Variants in SCAPER observed in about 807,000 individuals in gnomAD.
The protein encoded by SCAPER is S-phase cyclin A associated protein in the ER.
In SCAPER, 98 loss-of-function variants were observed where a neutral mutation model predicts 182.2. The ratio of observed to expected loss-of-function variants is 0.54; its 90% CI spans 0.46 to 0.64. The LOEUF is 0.64. SCAPER is among the 30% of genes least tolerant of loss of function. The probability of loss-of-function intolerance (pLI) is 0.00; values close to 1 mark genes in which losing one functional copy is unlikely to be tolerated. For missense variants in SCAPER, 1,432 were observed against 1,690.0 expected (o/e 0.85, Z 2.68); for synonymous variants, 605 against 564.6 (o/e 1.07, Z -1.01).
chr15:76,566,908 A>C (rs932635211), intron 23 of SCAPER, among the ~76,000 whole-genome samples: 8 of 152,112 alleles, frequency 5.3e-5, no homozygotes, highest in African/African-American at 1.4e-4. Flanking sequence ...AATAATTTTA[A>C]TTTGAACACT....
chr15:76,875,344 A>C (rs149671960), intron 2 of SCAPER, among the ~76,000 whole-genome samples: 1 of 152,336 alleles, frequency 6.6e-6, no homozygotes, highest in East Asian at 1.9e-4. Flanking sequence ...GTATGTGTAT[A>C]AGCACACAAA....
At chr15:76,695,579 G>A (rs893714172) in intron 20 of SCAPER, among the ~76,000 whole-genome samples, 4 of 149,952 alleles carry the variant, frequency 2.7e-5, no homozygotes, top group Non-Finnish European at 3.0e-5. Context: ...CCTGGATGAC[G>A]GAGCAAGACT....
intron 21 of SCAPER, among the ~76,000 whole-genome samples, chr15:76,656,126 T>C (rs2055613533): frequency 6.6e-6 from 1 of 152,104 alleles, no homozygotes; most frequent in South Asian, 2.1e-4. Flanking sequence ...TGGATGAAGA[T>C]GCAAGACCCA....
intron 5 of SCAPER, among the ~76,000 whole-genome samples, chr15:76,828,220 T>C (rs1472438171): frequency 1.3e-5 from 2 of 150,406 alleles, no homozygotes; most frequent in East Asian, 1.9e-4. Context: ...GATTTGTATA[T>C]ATTTATATAA....
chr15:76,533,125 A>C (rs561484788), intron 23 of SCAPER, among the ~76,000 whole-genome samples: 2 of 152,338 alleles, frequency 1.3e-5, no homozygotes, highest in South Asian at 4.1e-4. Context: ...GACTTCCTAA[A>C]GGTAGAGATT....
intron 22 of SCAPER, among the ~76,000 whole-genome samples, chr15:76,613,148 C>A (rs904531038): frequency 2.0e-5 from 3 of 152,102 alleles, no homozygotes; most frequent in Non-Finnish European, 2.9e-5. Flanking sequence ...CTTCAACAAA[C>A]CTGACAAAAG....
rs140609360 is a variant in SCAPER at position 76,725,984 on chromosome 15, A to G, written c.2165+2611T>C. 8.9e-3 allele frequency among the ~76,000 whole-genome samples: 1,344 copies of G among 150,652 alleles called. 8 individuals carry two copies. The highest frequency in any genetic ancestry group is 0.015 in the Non-Finnish European group (1,043 of 67,622). ...AGTAAAGGCAACAAAAACAACAACA[A>G]CAAAAATAGAGAAATTGAACTATGT... is the stretch of plus-strand genomic sequence containing the variant. On this transcript the variant is annotated intron_variant, in intron 17 of 31. Coordinates refer to ENST00000563290, the MANE Select transcript of SCAPER (RefSeq NM_020843.4).
intron 10 of SCAPER, among the ~76,000 whole-genome samples, chr15:76,770,465 T>G (rs975226002): frequency 1.3e-5 from 2 of 152,134 alleles, no homozygotes. Flanking sequence ...TTATCACCCT[T>G]GGTTTGTCAA....
intron 27 of SCAPER, among the ~76,000 whole-genome samples, chr15:76,382,366 A>T (rs557419279): frequency 6.9e-6 from 1 of 145,338 alleles, no homozygotes. Flanking sequence ...TTTTTCTTTT[A>T]TTTTTTTTTT....
intron 15 of SCAPER, among the ~76,000 whole-genome samples, chr15:76,740,128 T>C (rs1294827781): frequency 2.0e-5 from 3 of 152,254 alleles, no homozygotes; most frequent in African/African-American, 4.8e-5. Context: ...ATCATGCCAC[T>C]GCACTTCAGC....
chr15:76,654,092 T>C (rs1290101891), intron 21 of SCAPER, among the ~76,000 whole-genome samples: 1 of 151,720 alleles, frequency 6.6e-6, no homozygotes, highest in African/African-American at 2.4e-5. Flanking sequence ...CCAAGAAACA[T>C]GAAAAAATGC....
intron 27 of SCAPER, among the ~76,000 whole-genome samples, chr15:76,391,148 AC>A (rs2043665184): frequency 6.6e-6 from 1 of 152,130 alleles, no homozygotes; most frequent in Non-Finnish European, 1.5e-5. Context: ...TGTTTCTGGA[AC>A]ATCCACTTCA....
At chr15:76,557,998 T>A (rs1017339455) in intron 23 of SCAPER, among the ~76,000 whole-genome samples, 1 of 151,986 alleles carries the variant, frequency 6.6e-6, no homozygotes, top group African/African-American at 2.4e-5. Context: ...AAAAATCAAT[T>A]CAAAATGGAT....
intron 22 of SCAPER, among the ~76,000 whole-genome samples, chr15:76,575,789 GAACT>G (rs1328366656): frequency 1.3e-5 from 2 of 152,162 alleles, no homozygotes; most frequent in South Asian, 2.1e-4. Flanking sequence ...AATACTTACT[GAACT>G]AACTGTTTAA....
At chr15:76,681,096 T>C (rs1020627635) in intron 20 of SCAPER, among the ~76,000 whole-genome samples, 3 of 152,156 alleles carry the variant, frequency 2.0e-5, no homozygotes, top group Non-Finnish European at 2.9e-5. Flanking sequence ...GATGGTTCCA[T>C]GGTGTTATGT....
At chr15:76,893,469 G>A (rs1160808650) in intron 1 of SCAPER, among the ~76,000 whole-genome samples, 8 of 151,896 alleles carry the variant, frequency 5.3e-5, no homozygotes, top group Non-Finnish European at 1.2e-4. Flanking sequence ...ATTAATAGCA[G>A]GGGACTTCAA....
chr15:76,766,174 G>C (rs1402895050), intron 11 of SCAPER, among the ~76,000 whole-genome samples: 2 of 152,160 alleles, frequency 1.3e-5, no homozygotes, highest in African/African-American at 2.4e-5. Context: ...TCAGCTCACT[G>C]CAACCTCCGC....
intron 4 of SCAPER, among the ~76,000 whole-genome samples, chr15:76,851,831 C>T (rs534546407): frequency 3.7e-4 from 57 of 152,144 alleles, no homozygotes; most frequent in African/African-American, 1.3e-3. Context: ...CAAATTCACA[C>T]GTATTGCTAA....
Position 76,897,815 on chromosome 15 carries a change from CAG to C in SCAPER, c.-60+7482_-60+7483del, listed in dbSNP as rs545337813. On this transcript the variant is annotated intron_variant, in intron 1 of 31. Coordinates refer to ENST00000563290, the MANE Select transcript of SCAPER (RefSeq NM_020843.4). ...CACTCCTGTTCAATTAGGCACCTGA[CAG>C]ATTATTGTTTCTGCATCTGAACTGA... is the stretch of plus-strand genomic sequence containing the variant. Among the ~76,000 whole-genome samples, 487 of 152,332 alleles carry C rather than the reference CAG, an allele frequency of 3.2e-3. 5 individuals carry two copies. Among genetic ancestry groups the C allele is most frequent in the African/African-American group, 0.011 (465 of 41,578 alleles).
Sources: gnomAD v4.1 joint callset for allele counts (sites outside exome capture counted in the v4.1 genomes callset) on GRCh38, gnomAD v4.1.1 for gene constraint, MANE v1.5 for transcripts, NCBI Gene and HGNC (gene_info 2026-07-23, HGNC 2026-07-21) for gene names.